Variants in SPOCK1 observed in about 807,000 individuals in gnomAD.
SPOCK1 encodes the protein SPARC (osteonectin), cwcv and kazal like domains proteoglycan 1, also known as testican-1.
Under a neutral mutation model 55.3 loss-of-function variants are expected in SPOCK1, and 23 were observed. That is an observed-to-expected ratio of 0.42 (90% CI 0.30 to 0.59). The LOEUF (loss-of-function observed/expected upper bound fraction) is 0.59. Among genes scored for constraint, SPOCK1 ranks in the 20% least tolerant of loss-of-function variants. SPOCK1 has a pLI of 0.22. For missense variants in SPOCK1, 499 were observed against 552.5 expected (o/e 0.90, Z 0.97); for synonymous variants, 226 against 221.0 (o/e 1.02, Z -0.20).
chr5:137,192,639 A>G (rs558400429), intron 3 of SPOCK1, among the ~76,000 whole-genome samples: 9 of 152,332 alleles, frequency 5.9e-5, no homozygotes, highest in Non-Finnish European at 1.2e-4. Context: ...GAGAAACATG[A>G]TGTGATTCAT....
At chr5:137,478,819 CCTGA>C (rs994283133) in intron 2 of SPOCK1, among the ~76,000 whole-genome samples, 1 of 152,002 alleles carries the variant, frequency 6.6e-6, no homozygotes, top group African/African-American at 2.4e-5. Flanking sequence ...ACACCAAATT[CCTGA>C]CTATTCTAAA....
chr5:137,255,938 T>C (rs879610970), intron 3 of SPOCK1, among the ~76,000 whole-genome samples: 3 of 152,196 alleles, frequency 2.0e-5, no homozygotes, highest in Admixed American at 6.5e-5. Flanking sequence ...AAGAAGAAGA[T>C]GAGCAGTGCA....
chr5:137,451,097 C>T (rs71589362), intron 2 of SPOCK1, among the ~76,000 whole-genome samples: 2,129 of 152,262 alleles, frequency 0.014, 24 homozygotes, highest in Middle Eastern at 0.034. Context: ...TAGGAACAGA[C>T]CCACCCTACC....
chr5:137,097,106 C>G (rs115132795), intron 5 of SPOCK1, among the ~76,000 whole-genome samples: 1 of 152,240 alleles, frequency 6.6e-6, no homozygotes, highest in African/African-American at 2.4e-5. Context: ...AGTACTAGTA[C>G]TAGTGTTCAC....
chr5:137,116,402 T>C (rs1426279329), intron 4 of SPOCK1, among the ~76,000 whole-genome samples: 1 of 152,184 alleles, frequency 6.6e-6, no homozygotes, highest in Non-Finnish European at 1.5e-5. Context: ...CCCAGCACTT[T>C]GGGAGGCTGA....
At chr5:137,400,973 C>A (rs1185752458) in intron 2 of SPOCK1, among the ~76,000 whole-genome samples, 1 of 152,196 alleles carries the variant, frequency 6.6e-6, no homozygotes, top group African/African-American at 2.4e-5. Context: ...TCCCGCCCAC[C>A]CCTTCATGTG....
chr5:137,262,124 G>A (rs1756752281), intron 3 of SPOCK1, among the ~76,000 whole-genome samples: 1 of 152,138 alleles, frequency 6.6e-6, no homozygotes, highest in Non-Finnish European at 1.5e-5. Flanking sequence ...TCACTTTGCT[G>A]TATATTCATC....
At chr5:137,120,766 T>C (rs1221895033) in intron 4 of SPOCK1, among the ~76,000 whole-genome samples, 1 of 152,184 alleles carries the variant, frequency 6.6e-6, no homozygotes, top group Non-Finnish European at 1.5e-5. Flanking sequence ...AAAAAGGAAA[T>C]GCATTTTCAA....
intron 4 of SPOCK1, among the ~76,000 whole-genome samples, chr5:137,122,910 C>G (rs1311307221): frequency 1.3e-5 from 2 of 152,190 alleles, no homozygotes; most frequent in Non-Finnish European, 2.9e-5. Flanking sequence ...TTCTGGTCAC[C>G]AGCAGCAAAG....
intron 6 of SPOCK1, among the ~76,000 whole-genome samples, chr5:137,026,731 C>T (rs1362632411): frequency 6.6e-6 from 1 of 152,184 alleles, no homozygotes; most frequent in African/African-American, 2.4e-5. Flanking sequence ...GCCTGGAGCA[C>T]AGTCAATCCA....
At chr5:137,091,954 C>T (rs1472044319) in intron 5 of SPOCK1, among the ~76,000 whole-genome samples, 3 of 152,126 alleles carry the variant, frequency 2.0e-5, no homozygotes, top group Non-Finnish European at 4.4e-5. Flanking sequence ...TCCTTATAAA[C>T]ACGATAAACT....
intron 2 of SPOCK1, among the ~76,000 whole-genome samples, chr5:137,404,258 C>A (rs539417182): frequency 6.6e-6 from 1 of 152,200 alleles, no homozygotes; most frequent in African/African-American, 2.4e-5. Flanking sequence ...GCAGCTGCTA[C>A]GACAGCCAAC....
At chr5:137,328,505 C>G (rs1463097915) in intron 2 of SPOCK1, among the ~76,000 whole-genome samples, 1 of 152,202 alleles carries the variant, frequency 6.6e-6, no homozygotes, top group Non-Finnish European at 1.5e-5. Flanking sequence ...TTCACACAGA[C>G]AAAGCATTTA....
At chr5:137,267,966 T>A (rs1193132529) in intron 2 of SPOCK1, among the ~76,000 whole-genome samples, 1 of 152,264 alleles carries the variant, frequency 6.6e-6, no homozygotes, top group Non-Finnish European at 1.5e-5. Context: ...ATTGCTTTGC[T>A]ATATGTGTTT....
chr5:137,256,064 C>T (rs538001334), intron 3 of SPOCK1, among the ~76,000 whole-genome samples: 1 of 152,340 alleles, frequency 6.6e-6, no homozygotes, highest in East Asian at 1.9e-4. Flanking sequence ...CAGCACCTCA[C>T]ATCATCACTC....
At chr5:137,444,737 T>C (rs1753086287) in intron 2 of SPOCK1, among the ~76,000 whole-genome samples, 1 of 152,194 alleles carries the variant, frequency 6.6e-6, no homozygotes, top group Admixed American at 6.5e-5. Context: ...GCCACAAGAA[T>C]ATTGACATGA....
chr5:137,471,286 A>G (rs969585406), intron 2 of SPOCK1, among the ~76,000 whole-genome samples: 1 of 152,230 alleles, frequency 6.6e-6, no homozygotes, highest in Non-Finnish European at 1.5e-5. Context: ...CCACCAAATC[A>G]TAATACTCCT....
At chr5:137,139,145 G>A (rs1754045731) in intron 4 of SPOCK1, among the ~76,000 whole-genome samples, 1 of 152,174 alleles carries the variant, frequency 6.6e-6, no homozygotes, top group Non-Finnish European at 1.5e-5. Context: ...GTTCAGTCTG[G>A]GGACAGAGAA....
Position 137,336,097 on chromosome 5 carries a change from C to T in SPOCK1, c.187-69042G>A, listed in dbSNP as rs115426233. Among the ~76,000 whole-genome samples, 991 of 152,260 alleles carry T rather than the reference C, an allele frequency of 6.5e-3. 6 individuals are homozygous for T. Among genetic ancestry groups the T allele is most frequent in the Non-Finnish European group, 0.012 (792 of 68,024 alleles). ...TTCTAAAATAATGAATACTCTGTAC[C>T]ATGCTAACACAGGAGTTTCTCCATC... On this transcript the variant is annotated intron_variant, in intron 2 of 10. Transcript: ENST00000394945.
Sources: gnomAD v4.1 joint callset for allele counts (sites outside exome capture counted in the v4.1 genomes callset) on GRCh38, gnomAD v4.1.1 for gene constraint, MANE v1.5 for transcripts, NCBI Gene and HGNC (gene_info 2026-07-23, HGNC 2026-07-21) for gene names.